Variants in ITGB2 observed in about 807,000 individuals in gnomAD.
The protein encoded by ITGB2 is integrin subunit beta 2.
Under a neutral mutation model 86.8 loss-of-function variants are expected in ITGB2, and 56 were observed. That is an observed-to-expected ratio of 0.65 (90% CI 0.52 to 0.81). The LOEUF (loss-of-function observed/expected upper bound fraction) is 0.81. Among genes scored for constraint, ITGB2 ranks in the 30% least tolerant of loss-of-function variants. The pLI, the probability that ITGB2 is intolerant of heterozygous loss-of-function variation, is 0.00. For synonymous variants in ITGB2, 457 were observed against 450.4 expected (o/e 1.01, Z -0.19); for missense variants, 948 against 1,061.2 (o/e 0.89, Z 1.48).
chr21:44,893,308 A>G (rs573151902), intron 10 of ITGB2, 96 bp downstream of exon 10: 35 of 1,459,530 alleles, frequency 2.4e-5, no homozygotes, highest in Non-Finnish European at 3.3e-5. Flanking sequence ...TGTCCCCAGG[A>G]CCCCTCAGTG....
chr21:44,915,300 A>G (rs1260261826), intron 1 of ITGB2, among the ~76,000 whole-genome samples: 2 of 152,142 alleles, frequency 1.3e-5, no homozygotes, highest in Non-Finnish European at 1.5e-5. Flanking sequence ...CTGGGATTAC[A>G]GGCGTGAGCC....
chr21:44,890,592 G>C (rs953158341), intron 11 of ITGB2, among the ~76,000 whole-genome samples: 1 of 152,160 alleles, frequency 6.6e-6, no homozygotes, highest in African/African-American at 2.4e-5. Context: ...GTGGGGACTC[G>C]GCACTGCCTC....
Position 44,916,001 on chromosome 21 carries a change from C to A in ITGB2, c.-4+4820G>T, listed in dbSNP as rs566482729. On this transcript the variant is annotated intron_variant, in intron 1 of 15. Coordinates refer to ENST00000652462, the MANE Select transcript of ITGB2 (RefSeq NM_000211.5). ...GCAATGGCTAGATCTCGGCTCACTGCAACCTCCGCCTCCCATGTTCAAGAA... is the reference window on the plus strand; with the variant it reads ...GCAATGGCTAGATCTCGGCTCACTGAAACCTCCGCCTCCCATGTTCAAGAA... Among the ~76,000 whole-genome samples the A allele has an allele frequency of 1.8e-4, 27 of 152,258 alleles. No individual in the cohort carries two copies. In the South Asian group the frequency reaches 3.9e-3, roughly 22 times the overall value.
intron 1 of ITGB2, chr21:44,928,024 C>G (rs1601350830): frequency 6.6e-6 from 1 of 152,142 alleles, no homozygotes; most frequent in African/African-American, 2.4e-5. Flanking sequence ...CCTGTGCCCC[C>G]CCAACCCCCC....
chr21:44,920,259 C>T (rs539553705), intron 1 of ITGB2, among the ~76,000 whole-genome samples: 148 of 152,236 alleles, frequency 9.7e-4, no homozygotes, highest in African/African-American at 3.4e-3. Context: ...CACCACACTA[C>T]GCTATGCCAC....
chr21:44,910,160 GTCTGGGGACCC>G, intron 3 of ITGB2, 113 bp downstream of exon 3: 1 of 1,318,398 alleles, frequency 7.6e-7, no homozygotes, highest in South Asian at 1.4e-5. Context: ...TGAGGCCAGG[GTCTGGGGACCC>G]CCTCAAAAAG....
intron 3 of ITGB2, 72 bp from the exon 4 acceptor site, chr21:44,907,167 G>C: frequency 8.5e-7 from 1 of 1,175,342 alleles, no homozygotes; most frequent in Non-Finnish European, 1.2e-6. Flanking sequence ...TGGCCATGGA[G>C]GACTGAGGAC....
At chr21:44,890,256 C>T (rs1454138306) in intron 11 of ITGB2, 34 bp from the exon 12 acceptor site, 1 of 1,611,958 alleles carries the variant, frequency 6.2e-7, no homozygotes, top group Admixed American at 1.7e-5. Context: ...GTCAGGCTCC[C>T]CCCAGTGATG....
chr21:44,921,573 C>CAG (rs376621731), upstream of ITGB2, among the ~76,000 whole-genome samples: 9 of 150,562 alleles, frequency 6.0e-5, no homozygotes, highest in Admixed American at 3.3e-4. Flanking sequence ...ACTACAGGCT[C>CAG]AGAGAGAGAG....
intron 5 of ITGB2, among the ~76,000 whole-genome samples, chr21:44,903,020 G>A (rs181836079): frequency 8.9e-4 from 135 of 152,344 alleles, no homozygotes; most frequent in Non-Finnish European, 1.7e-3. Flanking sequence ...CAGTGCTGCC[G>A]TCGCTGTGCC....
At chr21:44,887,889 G>A (rs1370643050) in intron 14 of ITGB2, among the ~76,000 whole-genome samples, 1 of 152,232 alleles carries the variant, frequency 6.6e-6, no homozygotes, top group Non-Finnish European at 1.5e-5. Context: ...TTCCTGGTGA[G>A]GGAGGAGCTC....
rs1441543050 is a variant in ITGB2 at position 44,910,735 on chromosome 21, G to A, written c.48C>T (p.Ser16=). The part of the protein sequence containing the change: ...PPLLALVGLL[S]LGCVLSQECT... The stretch of plus-strand genomic sequence containing the variant: ...GAACACAGAACTCACCGCACCCGAG[G>A]GAGAGCAGCCCCACCAGGGCGAGCA... Residue 16 remains serine, a synonymous_variant, in exon 2 of 16, where the codon TCC becomes TCT. Coordinates refer to ENST00000652462, the MANE Select transcript of ITGB2 (RefSeq NM_000211.5). The A allele has an allele frequency of 1.2e-6, 2 of 1,614,048 alleles. No individual in the cohort carries two copies. The highest frequency in any genetic ancestry group is 2.2e-5 in the East Asian group (1 of 44,882).
intron 11 of ITGB2, among the ~76,000 whole-genome samples, chr21:44,890,576 TGGCCAGTGGGGACTC>T (rs2146501438): frequency 6.6e-6 from 1 of 152,294 alleles, no homozygotes; most frequent in East Asian, 1.9e-4. Context: ...CCCCACATGG[TGGCCAGTGGGGACTC>T]GGCACTGCCT....
Position 44,903,575 on chromosome 21 carries a change from T to A in ITGB2, c.329-40A>T, listed in dbSNP as rs775188557. 10 of 1,612,062 alleles carry A rather than the reference T, an allele frequency of 6.2e-6. No individual in the cohort carries two copies. In the Admixed American group the frequency reaches 1.7e-4, roughly 27 times the overall value. On this transcript the variant is annotated intron_variant, in intron 4 of 15. Coordinates refer to ENST00000652462, the MANE Select transcript of ITGB2 (RefSeq NM_000211.5). ...AGAACAAAAGGAGCCACACCTCACA[T>A]CTCACACAGGGTGTCTGGGGGCGTG...
intron 3 of ITGB2, chr21:44,908,155 C>A: frequency 1.3e-6 from 1 of 745,890 alleles, no homozygotes; most frequent in Non-Finnish European, 2.5e-6. Context: ...GCCGCGGTGG[C>A]GTGGGCTGGA....
intron 1 of ITGB2, among the ~76,000 whole-genome samples, chr21:44,912,327 C>G (rs1294818906): frequency 6.6e-6 from 1 of 152,180 alleles, no homozygotes; most frequent in East Asian, 1.9e-4. Context: ...CCCTGGCTCC[C>G]CTCCATCCCC....
intron 15 of ITGB2, 87 bp downstream of exon 15, chr21:44,886,649 G>A (rs2083702496): frequency 1.3e-6 from 2 of 1,569,924 alleles, no homozygotes; most frequent in Admixed American, 3.3e-5. Flanking sequence ...GCCACACACG[G>A]GTGTCCACGG....
chr21:44,913,521 C>T (rs774120225), intron 1 of ITGB2, among the ~76,000 whole-genome samples: 1 of 152,192 alleles, frequency 6.6e-6, no homozygotes, highest in Non-Finnish European at 1.5e-5. Flanking sequence ...ACCTTCTCCC[C>T]ACTGTTGCTC....
At chr21:44,910,235 C>A in intron 3 of ITGB2, 49 bp downstream of exon 3, 1 of 1,599,114 alleles carries the variant, frequency 6.3e-7, no homozygotes, top group Non-Finnish European at 8.5e-7. Flanking sequence ...CAGGAAAGGG[C>A]CCTCACCCAG....
Sources: gnomAD v4.1 joint callset for allele counts (sites outside exome capture counted in the v4.1 genomes callset) on GRCh38, gnomAD v4.1.1 for gene constraint, MANE v1.5 for transcripts, NCBI Gene and HGNC (gene_info 2026-07-23, HGNC 2026-07-21) for gene names.